The following ACTN2 variants were observed in gnomAD, a reference collection of about 807,000 sequenced individuals.
ACTN2 encodes alpha-actinin-2.
A neutral mutation model predicts 113.8 loss-of-function variants in ACTN2; 39 were observed. The observed-to-expected ratio is 0.34, with a 90% CI of 0.27 to 0.45. The LOEUF is 0.45. Among genes scored for constraint, ACTN2 ranks in the 20% least tolerant of loss-of-function variants. The pLI, the probability that ACTN2 is intolerant of heterozygous loss-of-function variation, is 1.00. For missense variants in ACTN2, 992 were observed against 1,177.9 expected (o/e 0.84, Z 2.31); for synonymous variants, 429 against 444.1 (o/e 0.97, Z 0.43).
intron 1 of ACTN2, among the ~76,000 whole-genome samples, chr1:236,688,068 A>G (rs1055747381): frequency 2.0e-5 from 3 of 152,242 alleles, no homozygotes; most frequent in African/African-American, 7.2e-5. Flanking sequence ...TATTGTTTAA[A>G]GGACTGATTG....
At chr1:236,742,114 G>A (rs1424540422) in intron 10 of ACTN2, among the ~76,000 whole-genome samples, 8 of 152,126 alleles carry the variant, frequency 5.3e-5, no homozygotes, top group South Asian at 4.1e-4. Context: ...CTCCTCGGAG[G>A]GGTCTTCTGT....
In ACTN2 at chr1:236,754,221, T is replaced by TGAAAGATAAAGCCGGGG; in HGVS notation, c.1974+140_1974+141insGAAAGATAAAGCCGGGG. 2 of 1,171,744 alleles carry TGAAAGATAAAGCCGGGG rather than the reference T, an allele frequency of 1.7e-6. No homozygotes were observed. The highest frequency in any genetic ancestry group is 2.5e-6 in the Non-Finnish European group (2 of 812,030). 72.6% of individuals were successfully genotyped at this position (1,171,744 alleles called of 1,614,324 possible). ...AGCACCGTTCTGTTATCACCCCGGC[T>TGAAAGATAAAGCCGGGG]TTATCTTTCAGCCCCTGGCTGTTGG... is the stretch of plus-strand genomic sequence containing the variant. On this transcript the variant is annotated intron_variant, in intron 16 of 20. Coordinates refer to ENST00000366578, the MANE Select transcript of ACTN2 (RefSeq NM_001103.4). The surrounding 1 kb of genome is among the most constrained non-coding windows in gnomAD (Gnocchi z 4.9).
In ACTN2 at chr1:236,755,012, C is replaced by A. The variant is rs756874090; in HGVS notation, c.1975-7C>A. On this transcript the variant is annotated splice_polypyrimidine_tract_variant and splice_region_variant and intron_variant, in intron 16 of 20. Coordinates refer to ENST00000366578, the MANE Select transcript of ACTN2 (RefSeq NM_001103.4). ...TCTCTCTCTGCTTGCTCACTCGCCC[C>A]CCTCAGGAGATTGCCCGGAGCTCCA... 2 of 1,614,194 alleles carry A rather than the reference C, an allele frequency of 1.2e-6. No homozygotes were observed. Among genetic ancestry groups the A allele is most frequent in the South Asian group, 2.2e-5 (2 of 91,072 alleles).
At chr1:236,737,860 A>G (rs963378951) in intron 9 of ACTN2, among the ~76,000 whole-genome samples, 3 of 152,192 alleles carry the variant, frequency 2.0e-5, no homozygotes, top group Admixed American at 2.0e-4. Flanking sequence ...GCGACTACGC[A>G]GTATCCTCGC....
intron 4 of ACTN2, among the ~76,000 whole-genome samples, chr1:236,724,129 T>G (rs1455068071): frequency 6.9e-6 from 1 of 144,178 alleles, no homozygotes; most frequent in Non-Finnish European, 1.5e-5. Flanking sequence ...TCTGGTTCTG[T>G]GAGGATCCTC....
At chr1:236,738,999 T>C (rs559044896) in intron 9 of ACTN2, among the ~76,000 whole-genome samples, 4 of 152,336 alleles carry the variant, frequency 2.6e-5, no homozygotes, top group African/African-American at 9.6e-5. Flanking sequence ...GAAAGCTCCA[T>C]CCAGCATTTG....
rs1659622996 is a variant in ACTN2 at position 236,758,759 on chromosome 1, A to C, written c.2302-965A>C. ...CTCAGCCTCCCAAGTAGCTGGGATT[A>C]CAGGCATATGCCACCATGCCTGGCT... is the stretch of plus-strand genomic sequence containing the variant. On this transcript the variant is annotated intron_variant, in intron 18 of 20. Coordinates refer to ENST00000366578, the MANE Select transcript of ACTN2 (RefSeq NM_001103.4). Among the ~76,000 whole-genome samples, 7 of 151,962 alleles carry C rather than the reference A, an allele frequency of 4.6e-5. No homozygotes were observed. In the South Asian group the frequency reaches 1.5e-3, roughly 32 times the overall value.
At position 236,749,183 on chromosome 1, in the gene ACTN2, T is replaced by G. The variant is rs1558246103; in HGVS notation, c.1575T>G (p.Ala525=). The change falls in exon 14 of 21, where the codon GCT becomes GCG. Residue 525 remains alanine (A), a synonymous_variant. Transcript: ENST00000366578. The part of the protein sequence containing the change: ...DQLHLEFAKR[A]APFNNWMEGA... Reference sequence around the variant, plus strand: ...TTCACCTGGAGTTTGCCAAGAGGGCTGCTCCTTTCAACAATTGGATGGAGG... The same window carrying G: ...TTCACCTGGAGTTTGCCAAGAGGGCGGCTCCTTTCAACAATTGGATGGAGG... 1 of 1,614,222 alleles carries G rather than the reference T, an allele frequency of 6.2e-7. No individual in the cohort carries two copies.
intron 20 of ACTN2, among the ~76,000 whole-genome samples, chr1:236,761,836 A>G (rs570871929): frequency 3.3e-5 from 5 of 152,324 alleles, no homozygotes; most frequent in African/African-American, 1.2e-4. Flanking sequence ...GCTAAAACAC[A>G]GTAACAGAGC....
chr1:236,749,034 G>T, intron 13 of ACTN2, 90 bp from the exon 14 acceptor site: 4 of 1,361,000 alleles, frequency 2.9e-6, no homozygotes, highest in Non-Finnish European at 4.1e-6. Flanking sequence ...GAATATCAGA[G>T]AATAGTCTGT....
chr1:236,753,832 T>G, intron 15 of ACTN2, 115 bp from the exon 16 acceptor site: 40 of 1,098,264 alleles, frequency 3.6e-5, no homozygotes, highest in East Asian at 6.5e-5. Flanking sequence ...CCCTCCTCCC[T>G]TCGTTTCTCC....
chr1:236,715,915 C>T (rs1658191664), intron 1 of ACTN2, among the ~76,000 whole-genome samples: 3 of 152,086 alleles, frequency 2.0e-5, no homozygotes, highest in South Asian at 4.2e-4. Flanking sequence ...GAGATCATGC[C>T]ACTGCACTCC....
At chr1:236,691,979 A>G (rs1299779597) in intron 1 of ACTN2, among the ~76,000 whole-genome samples, 1 of 152,258 alleles carries the variant, frequency 6.6e-6, no homozygotes, top group African/African-American at 2.4e-5. Context: ...GTGAGTGCAG[A>G]CTTCATTCTC....
chr1:236,736,535 T>C, intron 8 of ACTN2: 4 of 1,395,116 alleles, frequency 2.9e-6, no homozygotes, highest in Non-Finnish European at 3.9e-6. Context: ...AATTGTGTAT[T>C]ACCTCAATGA....
chr1:236,690,976 C>T (rs1487166180), intron 1 of ACTN2, among the ~76,000 whole-genome samples: 2 of 143,716 alleles, frequency 1.4e-5, no homozygotes, highest in Non-Finnish European at 1.5e-5. Context: ...CTTGCTCTGT[C>T]GCCCAGGCTG....
Position 236,762,452 on chromosome 1 carries a change from T to G in ACTN2, c.2527-9T>G, listed in dbSNP as rs1455132129. 1 of 1,614,064 alleles carries G rather than the reference T, an allele frequency of 6.2e-7. No individual in the cohort carries two copies. Among genetic ancestry groups the G allele is most frequent in the Non-Finnish European group, 8.5e-7 (1 of 1,179,964 alleles). Reference sequence around the variant, plus strand: ...AACTGACTGCAAACACGTGTGTATTTTTTCCCAGCCATACATCCTGGCGGA... The same window carrying G: ...AACTGACTGCAAACACGTGTGTATTGTTTCCCAGCCATACATCCTGGCGGA... On this transcript the variant is annotated splice_polypyrimidine_tract_variant and intron_variant, in intron 20 of 20. Transcript: ENST00000366578.
At chr1:236,724,063 C>A (rs541591974) in intron 4 of ACTN2, among the ~76,000 whole-genome samples, 52 of 151,998 alleles carry the variant, frequency 3.4e-4, no homozygotes, top group Admixed American at 6.6e-4. Context: ...AACAGCCGAC[C>A]TTTATTTTCT....
intron 1 of ACTN2, among the ~76,000 whole-genome samples, chr1:236,715,314 C>T (rs1331752939): frequency 2.7e-5 from 3 of 112,176 alleles, no homozygotes; most frequent in Non-Finnish European, 3.4e-5. Context: ...CCCCTCCCCC[C>T]ACCCTGTTAC....
intron 7 of ACTN2, 88 bp from the exon 8 acceptor site, chr1:236,735,547 C>A: frequency 8.2e-7 from 1 of 1,218,486 alleles, no homozygotes; most frequent in South Asian, 1.2e-5. Flanking sequence ...TTTGTTCTTC[C>A]CTCTGTTCTC....
Sources: gnomAD v4.1 joint callset for allele counts (sites outside exome capture counted in the v4.1 genomes callset) on GRCh38, gnomAD v4.1.1 for gene constraint, Gnocchi (gnomAD v3.1) non-coding constraint, MANE v1.5 for transcripts, NCBI Gene and HGNC (gene_info 2026-07-23, HGNC 2026-07-21) for gene names.